SDC4: variants seen among roughly 807,000 people sequenced by gnomAD.
SDC4 encodes the protein syndecan-4.
SDC4 carries 17 observed loss-of-function variants against 20.5 expected under a neutral mutation model. The ratio of observed to expected loss-of-function variants is 0.83; its 90% CI spans 0.57 to 1.25. The LOEUF (loss-of-function observed/expected upper bound fraction) is 1.25. Ranked by LOEUF, SDC4 falls within the 50% of genes most tolerant of loss-of-function variation. SDC4 has a pLI of 0.00. For synonymous variants in SDC4, 107 were observed against 105.3 expected, an observed-to-expected ratio of 1.02 and a Z score of -0.10; for missense variants, 241 against 252.3, an observed-to-expected ratio of 0.96 and a Z score of 0.30.
chr20:45,329,106 T>C (rs1194241231), intron 4 of SDC4, among the ~76,000 whole-genome samples: 1 of 152,200 alleles, frequency 6.6e-6, no homozygotes, highest in African/African-American at 2.4e-5. Flanking sequence ...ACAGGAATCA[T>C]ACAGCATACA....
intron 4 of SDC4, among the ~76,000 whole-genome samples, chr20:45,328,994 C>A: frequency 6.6e-6 from 1 of 152,166 alleles, no homozygotes; most frequent in African/African-American, 2.4e-5. Flanking sequence ...CAGAAGCTGA[C>A]TGTGGTCCTC....
intron 1 of SDC4, chr20:45,345,243 A>ATTCAGCAT (rs1988014837): frequency 6.6e-6 from 1 of 152,110 alleles, no homozygotes; most frequent in African/African-American, 2.4e-5. Context: ...AGAGGGAGGG[A>ATTCAGCAT]TTCAGCATTT....
At position 45,327,164 on chromosome 20, in the gene SDC4, G is replaced by A. The variant is rs1169136826; in HGVS notation, c.*100C>T. On this transcript the variant is annotated 3_prime_UTR_variant, in exon 5 of 5. Coordinates refer to ENST00000372733, the MANE Select transcript of SDC4 (RefSeq NM_002999.4). ...TAATCAGAGCTGGAGATACTGACAA[G>A]TCAGTATTAGGTTGACCTCACCCTA... 2 of 1,232,314 alleles carry A rather than the reference G, an allele frequency of 1.6e-6. No homozygotes were observed. The highest frequency in any genetic ancestry group is 2.3e-5 in the East Asian group (1 of 42,730). 76.3% of individuals were successfully genotyped at this position (1,232,314 alleles called of 1,614,324 possible).
intron 1 of SDC4, among the ~76,000 whole-genome samples, chr20:45,341,316 A>G (rs577183217): frequency 7.0e-4 from 107 of 152,330 alleles, no homozygotes; most frequent in South Asian, 4.1e-3. Flanking sequence ...AATATAATCT[A>G]TAATAGGTTA....
chr20:45,341,697 G>A (rs1346357749), intron 1 of SDC4, among the ~76,000 whole-genome samples: 1 of 152,160 alleles, frequency 6.6e-6, no homozygotes, highest in African/African-American at 2.4e-5. Context: ...GGGTTACTCT[G>A]AACACAATCA....
chr20:45,340,778 G>A (rs2145715637), intron 1 of SDC4, among the ~76,000 whole-genome samples: 1 of 152,340 alleles, frequency 6.6e-6, no homozygotes, highest in Non-Finnish European at 1.5e-5. Context: ...AGTGGGGAGA[G>A]GGGATGGTGA....
rs1227800974 is a variant in SDC4 at position 45,348,356 on chromosome 20, A to G, written c.29T>C (p.Leu10Pro). Reference sequence around the variant, plus strand: ...GGCGACTCCGCCTACGAAGAACAGCAGCAGCGCGAACAGACGGGCGGGGGC... The same window carrying G: ...GGCGACTCCGCCTACGAAGAACAGCGGCAGCGCGAACAGACGGGCGGGGGC... MAPARLFALLLFFVGGVAES... is the reference protein window; with the variant it reads MAPARLFALPLFFVGGVAES... The change falls in exon 1 of 5, where the codon CTG becomes CCG. Residue 10 changes from leucine to proline, a missense_variant. Leu to Pro is a moderately conservative substitution (Grantham distance 98). Transcript: ENST00000372733. 1 of 1,592,502 alleles carries G rather than the reference A, an allele frequency of 6.3e-7. No individual in the cohort carries two copies. The highest frequency in any genetic ancestry group is 1.1e-5 in the South Asian group (1 of 87,890).
chr20:45,332,407 C>T (rs938372000), intron 3 of SDC4, among the ~76,000 whole-genome samples: 4 of 152,048 alleles, frequency 2.6e-5, no homozygotes, highest in Non-Finnish European at 4.4e-5. Flanking sequence ...GTGATCTGCC[C>T]GTCTTAGCCT....
rs888721250 is a variant in SDC4, at chr20:45,327,089, G to A, written c.*175C>T. On this transcript the variant is annotated 3_prime_UTR_variant, in exon 5 of 5. Coordinates refer to ENST00000372733, the MANE Select transcript of SDC4 (RefSeq NM_002999.4). ...GCAACTGAGGCCCAAAGCTCAAGAA[G>A]AACCTGGCAGAACAGTAGAAGACAA... 7.9e-6 allele frequency: 5 copies of A among 629,654 alleles called. No individual in the cohort carries two copies. The Admixed American group carries it at 9.5e-5, about 12-fold the overall frequency. 39.0% of individuals were successfully genotyped at this position (629,654 alleles called of 1,614,324 possible). A position where few individuals can be genotyped will look rare whatever the true frequency, so the allele number is the denominator to read the frequency against.
chr20:45,334,868 C>T (rs1987837375), intron 2 of SDC4, among the ~76,000 whole-genome samples: 1 of 152,108 alleles, frequency 6.6e-6, no homozygotes, highest in African/African-American at 2.4e-5. Flanking sequence ...CAGTTCAGTC[C>T]CCACAACACT....
chr20:45,336,204 G>A (rs970417813), intron 1 of SDC4, among the ~76,000 whole-genome samples: 4 of 152,152 alleles, frequency 2.6e-5, no homozygotes, highest in African/African-American at 9.7e-5. Flanking sequence ...CTTGAGGTCA[G>A]GAGTTCAAGA....
chr20:45,340,850 C>T (rs1004485560), intron 1 of SDC4, among the ~76,000 whole-genome samples: 9 of 152,212 alleles, frequency 5.9e-5, no homozygotes, highest in African/African-American at 2.2e-4. Flanking sequence ...CCCCCAGCAG[C>T]GTACACTACT....
chr20:45,327,514 A>G (rs1029713553), intron 4 of SDC4, 99 bp from the exon 5 acceptor site: 42 of 1,331,412 alleles, frequency 3.2e-5, no homozygotes, highest in Middle Eastern at 2.6e-4. Flanking sequence ...TTACAACCAG[A>G]CATCCTCACC....
chr20:45,345,338 T>G (rs1185256593), intron 1 of SDC4: 2 of 152,176 alleles, frequency 1.3e-5, no homozygotes, highest in Non-Finnish European at 2.9e-5. Context: ...ATTAATCAAA[T>G]TGAGAGATGG....
At position 45,327,270 on chromosome 20, in the gene SDC4, G is replaced by T; in HGVS notation, c.591C>A (p.Tyr197Ter). Residue 197 changes from tyrosine to a stop codon, truncating the protein, a stop_gained, in exon 5 of 5, where the codon TAC becomes TAA. Coordinates refer to ENST00000372733, the MANE Select transcript of SDC4 (RefSeq NM_002999.4). LOFTEE classifies it high-confidence loss of function. ...CAGTGCCCACAAGCAAGCTTCACGCGTAGAACTCATTGGTGGGGGCTTTCT... is the reference window on the plus strand; with the variant it reads ...CAGTGCCCACAAGCAAGCTTCACGCTTAGAACTCATTGGTGGGGGCTTTCT... ...IYKKAPTNEF[Y>*]A 2 of 1,614,176 alleles carry T rather than the reference G, an allele frequency of 1.2e-6. No individual in the cohort carries two copies. The highest frequency in any genetic ancestry group is 1.7e-6 in the Non-Finnish European group (2 of 1,180,042).
intron 3 of SDC4, 97 bp downstream of exon 3, chr20:45,332,926 C>A: frequency 8.5e-7 from 1 of 1,183,184 alleles, no homozygotes; most frequent in East Asian, 2.4e-5. Context: ...TAAGACCCCT[C>A]ACTTATTCTG....
chr20:45,336,537 C>A (rs6124699), intron 1 of SDC4, among the ~76,000 whole-genome samples: 111,520 of 152,134 alleles, frequency 0.73, 41,165 homozygotes, highest in East Asian at 0.94. Context: ...TTATTCACTT[C>A]TTTTTACAGC....
intron 3 of SDC4, among the ~76,000 whole-genome samples, chr20:45,331,733 C>T (rs894354108): frequency 1.3e-5 from 2 of 152,134 alleles, no homozygotes; most frequent in South Asian, 2.1e-4. Context: ...TTACAAATGC[C>T]CTGGCAAAGT....
intron 3 of SDC4, 54 bp from the exon 4 acceptor site, chr20:45,330,618 G>T: frequency 6.7e-7 from 1 of 1,500,796 alleles, no homozygotes; most frequent in East Asian, 2.3e-5. Flanking sequence ...AGAGACTCAG[G>T]GCAGGGGACA....
Sources: gnomAD v4.1 joint callset for allele counts (sites outside exome capture counted in the v4.1 genomes callset) on GRCh38, gnomAD v4.1.1 for gene constraint, MANE v1.5 for transcripts, NCBI Gene and HGNC (gene_info 2026-07-23, HGNC 2026-07-21) for gene names.